SMPX: variants seen among roughly 807,000 people sequenced by gnomAD.
SMPX encodes small muscle protein X-linked, also known as small muscular protein.
SMPX carries 2 observed loss-of-function variants against 6.3 expected under a neutral mutation model. That is an observed-to-expected ratio of 0.32 (90% CI 0.13 to 0.99). The LOEUF (loss-of-function observed/expected upper bound fraction) is 0.99. Ranked by LOEUF, SMPX falls within the 50% of genes least tolerant of loss-of-function variation. SMPX has a pLI of 0.49. For synonymous variants in SMPX, 32 were observed against 24.7 expected (o/e 1.30, Z -0.88); for missense variants, 60 against 66.8 (o/e 0.90, Z 0.36).
chrX:21,736,148 C>T (rs952058770), intron 4 of SMPX, among the ~76,000 whole-genome samples: 3 of 112,416 alleles, frequency 2.7e-5, no homozygotes, highest in Non-Finnish European at 5.6e-5. Flanking sequence ...AAAATATTTT[C>T]GGCTGAACTA....
chrX:21,744,236 G>T, intron 2 of SMPX, among the ~76,000 whole-genome samples: 1 of 111,545 alleles, frequency 9.0e-6, no homozygotes, highest in East Asian at 2.8e-4. Context: ...CCACACCTTA[G>T]CCCTCCTTCC....
intron 4 of SMPX, chrX:21,733,806 G>A: frequency 3.1e-6 from 1 of 320,929 alleles, no homozygotes; most frequent in South Asian, 2.8e-5. Flanking sequence ...GTTTTATTTT[G>A]TTATGCTCCA....
At chrX:21,733,407 C>A (rs2092807052) in intron 4 of SMPX, among the ~76,000 whole-genome samples, 1 of 112,230 alleles carries the variant, frequency 8.9e-6, no homozygotes, top group Non-Finnish European at 1.9e-5. Context: ...TCTACACAAC[C>A]AAAACCTACT....
chrX:21,751,189 T>C (rs2092827113), intron 2 of SMPX, among the ~76,000 whole-genome samples: 1 of 112,471 alleles, frequency 8.9e-6, no homozygotes, highest in African/African-American at 3.2e-5. Context: ...GTCCAATATG[T>C]TTAGAAAACA....
intron 4 of SMPX, among the ~76,000 whole-genome samples, chrX:21,711,724 C>T (rs2092778987): frequency 8.9e-6 from 1 of 111,833 alleles, no homozygotes; most frequent in Admixed American, 9.5e-5. Context: ...TGCATTTTGT[C>T]CTTTAACCAG....
intron 4 of SMPX, among the ~76,000 whole-genome samples, chrX:21,708,000 A>C (rs1181466792): frequency 2.7e-5 from 3 of 112,910 alleles, no homozygotes; most frequent in Non-Finnish European, 5.6e-5. Flanking sequence ...GCAATAGCTA[A>C]TTGATATGGT....
In SMPX at chrX:21,758,063, T is replaced by C. The variant is rs372243379; in HGVS notation, c.-134A>G. ...CTCTGAGCTGCGATCTCAATTCCGA[T>C]GCTTTTCATGTGGCTGAAATAGCTC... On this transcript the variant is annotated 5_prime_UTR_variant, in exon 1 of 5. Coordinates refer to ENST00000379494, the MANE Select transcript of SMPX (RefSeq NM_014332.3). The C allele has an allele frequency of 6.1e-6, 2 of 329,649 alleles. No homozygotes were observed. Among genetic ancestry groups the C allele is most frequent in the East Asian group, 1.9e-4 (2 of 10,329 alleles). 27.2% of individuals were successfully genotyped at this position (329,649 alleles called of 1,213,427 possible).
chrX:21,751,490 AC>A (rs757336178), intron 2 of SMPX, among the ~76,000 whole-genome samples: 1 of 112,172 alleles, frequency 8.9e-6, no homozygotes, highest in East Asian at 2.8e-4. Context: ...TGAGATAAAG[AC>A]TGTTACTAAT....
At chrX:21,726,817 A>G (rs1423511738) in intron 4 of SMPX, among the ~76,000 whole-genome samples, 1 of 112,724 alleles carries the variant, frequency 8.9e-6, no homozygotes, top group Non-Finnish European at 1.9e-5. Flanking sequence ...GAGGCAGAGC[A>G]ATTATATAAA....
At chrX:21,712,379 A>G (rs1434696324) in intron 4 of SMPX, among the ~76,000 whole-genome samples, 1 of 112,364 alleles carries the variant, frequency 8.9e-6, no homozygotes, top group Non-Finnish European at 1.9e-5. Context: ...AGTAGCGTTA[A>G]GTGCAGGACC....
Position 21,718,275 on chromosome X carries a change from A to G in SMPX, c.*15-11881T>C, listed in dbSNP as rs766570161. On this transcript the variant is annotated intron_variant, in intron 4 of 4. Coordinates refer to ENST00000379494, the MANE Select transcript of SMPX (RefSeq NM_014332.3). Reference sequence around the variant, plus strand: ...AACAAGAATACATAGTGGATGAATGAAGTTTGCAAACCTTATTTCAAGGTG... The same window carrying G: ...AACAAGAATACATAGTGGATGAATGGAGTTTGCAAACCTTATTTCAAGGTG... Among the ~76,000 whole-genome samples the G allele has an allele frequency of 2.7e-5, 3 of 112,348 alleles. No individual in the cohort carries two copies. In the Admixed American group the frequency reaches 2.8e-4, roughly 11 times the overall value.
At chrX:21,714,593 A>AC (rs747551959) in intron 4 of SMPX, among the ~76,000 whole-genome samples, 70 of 110,954 alleles carry the variant, frequency 6.3e-4, no homozygotes, top group African/African-American at 2.1e-3. Flanking sequence ...CCATTTATTA[A>AC]CCCCCCCACC....
At chrX:21,737,213 T>G (rs767007818) in intron 4 of SMPX, among the ~76,000 whole-genome samples, 1 of 111,562 alleles carries the variant, frequency 9.0e-6, no homozygotes, top group African/African-American at 3.3e-5. Context: ...AACTGAAGCA[T>G]GGAGTGAGGG....
In SMPX at chrX:21,716,579, T is replaced by C. The variant is rs146640974; in HGVS notation, c.*15-10185A>G. 3.7e-3 allele frequency among the ~76,000 whole-genome samples: 413 copies of C among 112,398 alleles called. 2 individuals are homozygous for C. Among genetic ancestry groups the C allele is most frequent in the African/African-American group, 0.012 (381 of 30,974 alleles). On this transcript the variant is annotated intron_variant, in intron 4 of 4. Transcript: ENST00000379494. Reference sequence around the variant, plus strand: ...GAGTGCCTCTGACATAGTCAACATATACTATTACTATTATTCAGGGACAAA... The same window carrying C: ...GAGTGCCTCTGACATAGTCAACATACACTATTACTATTATTCAGGGACAAA...
At chrX:21,735,392 T>C (rs1374746521) in intron 4 of SMPX, among the ~76,000 whole-genome samples, 1 of 112,334 alleles carries the variant, frequency 8.9e-6, no homozygotes, top group Non-Finnish European at 1.9e-5. Context: ...TAAGGAAAAA[T>C]AGGTCTCTCT....
At chrX:21,731,474 A>G (rs751258673) in intron 4 of SMPX, among the ~76,000 whole-genome samples, 3 of 83,385 alleles carry the variant, frequency 3.6e-5, no homozygotes, top group Non-Finnish European at 7.3e-5. Context: ...ATGTGTACAC[A>G]TACACATTAT....
At chrX:21,728,706 T>A (rs1437090193) in intron 4 of SMPX, among the ~76,000 whole-genome samples, 2 of 112,610 alleles carry the variant, frequency 1.8e-5, no homozygotes, top group Non-Finnish European at 3.7e-5. Flanking sequence ...AAGGACTGGC[T>A]GTTTAGTGTG....
intron 3 of SMPX, among the ~76,000 whole-genome samples, chrX:21,740,717 C>T (rs751285634): frequency 8.9e-6 from 1 of 112,361 alleles, no homozygotes; most frequent in African/African-American, 3.2e-5. Context: ...CCCTGTCTTA[C>T]AGTGGAGAAG....
intron 4 of SMPX, among the ~76,000 whole-genome samples, chrX:21,723,465 G>A (rs1211911103): frequency 8.9e-6 from 1 of 112,205 alleles, no homozygotes; most frequent in Non-Finnish European, 1.9e-5. Context: ...CAGCCTGGAG[G>A]AATAATGACA....
Sources: gnomAD v4.1 joint callset for allele counts (sites outside exome capture counted in the v4.1 genomes callset) on GRCh38, gnomAD v4.1.1 for gene constraint, MANE v1.5 for transcripts, NCBI Gene and HGNC (gene_info 2026-07-23, HGNC 2026-07-21) for gene names.